CDH12: variants seen among roughly 807,000 people sequenced by gnomAD.
The protein encoded by CDH12 is cadherin 12, also known as cadherin-12.
CDH12 carries 41 observed loss-of-function variants against 74.1 expected under a neutral mutation model. The observed-to-expected ratio is 0.55, with a 90% CI of 0.43 to 0.72. CDH12 has a LOEUF of 0.72. Among genes scored for constraint, CDH12 ranks in the 30% least tolerant of loss-of-function variants. CDH12 has a pLI of 0.00. For missense variants in CDH12, 945 were observed against 977.2 expected (o/e 0.97, Z 0.44); for synonymous variants, 399 against 355.0 (o/e 1.12, Z -1.39).
At chr5:22,718,151 A>G (rs1166182990) in intron 1 of CDH12, among the ~76,000 whole-genome samples, 2 of 152,246 alleles carry the variant, frequency 1.3e-5, no homozygotes, top group Admixed American at 6.5e-5. Context: ...TCCTGAAAAG[A>G]ACATCAGTTT....
At chr5:21,871,596 G>T (rs908334737) in intron 6 of CDH12, among the ~76,000 whole-genome samples, 2 of 152,090 alleles carry the variant, frequency 1.3e-5, no homozygotes, top group Admixed American at 6.5e-5. Flanking sequence ...AGCTGGGCGT[G>T]GTGGCACACG....
At chr5:22,324,292 T>C (rs1300738780) in intron 3 of CDH12, among the ~76,000 whole-genome samples, 1 of 152,124 alleles carries the variant, frequency 6.6e-6, no homozygotes, top group Non-Finnish European at 1.5e-5. Context: ...TTTTATCTTA[T>C]TGGTAAATCA....
chr5:21,913,522 T>A (rs759897170), intron 6 of CDH12, among the ~76,000 whole-genome samples: 19 of 152,190 alleles, frequency 1.2e-4, no homozygotes, highest in Non-Finnish European at 1.5e-4. Flanking sequence ...AGTAACTTCA[T>A]ATGTTTTGTG....
At chr5:22,009,096 C>G (rs1421789146) in intron 5 of CDH12, among the ~76,000 whole-genome samples, 1 of 152,062 alleles carries the variant, frequency 6.6e-6, no homozygotes, top group East Asian at 1.9e-4. Flanking sequence ...TAGATGGGAC[C>G]CCAGTGGTGT....
intron 3 of CDH12, among the ~76,000 whole-genome samples, chr5:22,404,683 G>A (rs190100438): frequency 1.1e-3 from 161 of 152,276 alleles, no homozygotes; most frequent in African/African-American, 3.7e-3. Flanking sequence ...AGAAATGAGT[G>A]AGGAAAGAAT....
chr5:22,374,455 C>A (rs1264804315), intron 3 of CDH12, among the ~76,000 whole-genome samples: 1 of 151,860 alleles, frequency 6.6e-6, no homozygotes, highest in Non-Finnish European at 1.5e-5. Flanking sequence ...GAAATCCTAG[C>A]CACAGCAATC....
intron 4 of CDH12, among the ~76,000 whole-genome samples, chr5:22,201,711 TA>T (rs1439660628): frequency 1.3e-5 from 2 of 152,076 alleles, no homozygotes; most frequent in East Asian, 1.9e-4. Context: ...ATTATGTCTT[TA>T]AAAAGCAGGG....
At chr5:22,418,164 C>T (rs1225873615) in intron 2 of CDH12, among the ~76,000 whole-genome samples, 1 of 152,108 alleles carries the variant, frequency 6.6e-6, no homozygotes, top group Non-Finnish European at 1.5e-5. Context: ...TCCTTTACAT[C>T]CCTTGTAAGT....
chr5:22,619,423 C>G (rs1255136131), intron 1 of CDH12, among the ~76,000 whole-genome samples: 3 of 152,034 alleles, frequency 2.0e-5, no homozygotes, highest in Non-Finnish European at 4.4e-5. Flanking sequence ...AGAGTCCTGA[C>G]TATATGGGCT....
intron 1 of CDH12, among the ~76,000 whole-genome samples, chr5:22,668,916 T>C (rs1173784472): frequency 1.3e-5 from 2 of 150,452 alleles, no homozygotes; most frequent in Non-Finnish European, 3.0e-5. Flanking sequence ...GGTCTCTCTC[T>C]TCTCTCTCTC....
chr5:22,385,474 T>A (rs1379365473), intron 3 of CDH12, among the ~76,000 whole-genome samples: 1 of 152,232 alleles, frequency 6.6e-6, no homozygotes, highest in Admixed American at 6.5e-5. Flanking sequence ...AATTGTATAA[T>A]CTTTCTCTGC....
At chr5:22,737,267 T>A (rs992990573) in intron 1 of CDH12, among the ~76,000 whole-genome samples, 1 of 151,926 alleles carries the variant, frequency 6.6e-6, no homozygotes, top group African/African-American at 2.4e-5. Flanking sequence ...CACTTCAAGA[T>A]ACATCATAAA....
At chr5:22,323,200 C>G (rs144228086) in intron 3 of CDH12, among the ~76,000 whole-genome samples, 1 of 152,038 alleles carries the variant, frequency 6.6e-6, no homozygotes, top group Non-Finnish European at 1.5e-5. Context: ...ATTTTACAAC[C>G]GGGACAGGTC....
At chr5:21,799,120 A>T (rs1157358573) in intron 10 of CDH12, among the ~76,000 whole-genome samples, 1 of 152,220 alleles carries the variant, frequency 6.6e-6, no homozygotes, top group Non-Finnish European at 1.5e-5. Context: ...AGCCATTCTG[A>T]TATGTTAACA....
intron 1 of CDH12, among the ~76,000 whole-genome samples, chr5:22,756,429 T>G (rs1338927569): frequency 2.0e-5 from 3 of 152,194 alleles, no homozygotes; most frequent in Non-Finnish European, 4.4e-5. Context: ...TATTCCATCC[T>G]AATTTATTCC....
At chr5:22,495,765 G>A (rs751077529) in intron 2 of CDH12, among the ~76,000 whole-genome samples, 3 of 18,160 alleles carry the variant, frequency 1.7e-4, no homozygotes, top group African/African-American at 4.3e-4. Flanking sequence ...TGAAATCTAT[G>A]AGAAGAAATA....
At chr5:22,540,330 T>C (rs1418548048) in intron 1 of CDH12, among the ~76,000 whole-genome samples, 2 of 152,136 alleles carry the variant, frequency 1.3e-5, no homozygotes, top group African/African-American at 4.8e-5. Flanking sequence ...ATAGAAGTTA[T>C]TATTATGTTT....
At chr5:22,787,145 C>T (rs997654810) in intron 1 of CDH12, among the ~76,000 whole-genome samples, 1 of 151,998 alleles carries the variant, frequency 6.6e-6, no homozygotes, top group Non-Finnish European at 1.5e-5. Flanking sequence ...ACACCACACA[C>T]ACACACACAC....
At chr5:22,523,987 T>TA (rs1561466576) in intron 1 of CDH12, among the ~76,000 whole-genome samples, 59 of 143,646 alleles carry the variant, frequency 4.1e-4, no homozygotes, top group South Asian at 4.0e-3. Context: ...TATTATTTTT[T>TA]TTTTTTTTTT....
Sources: allele counts gnomAD v4.1 joint callset (sites outside exome capture counted in the v4.1 genomes callset), GRCh38; gene constraint gnomAD v4.1.1; transcripts MANE v1.5; gene names NCBI Gene and HGNC (gene_info 2026-07-23, HGNC 2026-07-21).